TOX3: variants seen among roughly 807,000 people sequenced by gnomAD.
The protein encoded by TOX3 is CAG trinucleotide repeat-containing gene F9 protein.
A neutral mutation model predicts 64.3 loss-of-function variants in TOX3; 22 were observed. The ratio of observed to expected loss-of-function variants is 0.34; its 90% CI spans 0.24 to 0.49. TOX3 has a LOEUF of 0.49. Ranked by LOEUF, TOX3 falls within the 20% of genes least tolerant of loss-of-function variation. The pLI is 0.99. For synonymous variants in TOX3, 291 were observed against 273.6 expected, an observed-to-expected ratio of 1.06 and a Z score of -0.63; for missense variants, 661 against 714.4, an observed-to-expected ratio of 0.93 and a Z score of 0.85.
intron 1 of TOX3, among the ~76,000 whole-genome samples, chr16:52,539,206 C>A (rs1166184103): frequency 1.3e-5 from 2 of 152,198 alleles, no homozygotes; most frequent in Non-Finnish European, 2.9e-5. Flanking sequence ...TTGCATCATT[C>A]CCCCTTAATA....
chr16:52,446,986 A>G (rs1960182114), intron 4 of TOX3, among the ~76,000 whole-genome samples: 1 of 152,180 alleles, frequency 6.6e-6, no homozygotes, highest in Non-Finnish European at 1.5e-5. Context: ...TATTTATGGC[A>G]AGTAACCCTG....
chr16:52,521,349 C>T (rs1381739896), intron 1 of TOX3, among the ~76,000 whole-genome samples: 3 of 152,184 alleles, frequency 2.0e-5, no homozygotes, highest in African/African-American at 7.2e-5. Flanking sequence ...TTCCATCTAT[C>T]CTATGCCAAC....
intron 1 of TOX3, chr16:52,475,647 GAAGA>G (rs908117698): frequency 6.6e-6 from 1 of 152,200 alleles, no homozygotes; most frequent in African/African-American, 2.4e-5. Flanking sequence ...AATGCTGAGA[GAAGA>G]GAGAACCAAC....
rs533392329 is a variant in TOX3, at chr16:52,531,248, C to T, written c.87+15389G>A. 3.8e-4 allele frequency among the ~76,000 whole-genome samples: 58 copies of T among 152,132 alleles called. No homozygotes were observed. In the Middle Eastern group the frequency reaches 0.01, roughly 27 times the overall value. ...CTATTTTAAAAACAACGAATATATC[C>T]AGGAAAGGTGCAAAAATATAAAGGC... On this transcript the variant is annotated intron_variant, in intron 1 of 6. Coordinates refer to ENST00000219746, the MANE Select transcript of TOX3 (RefSeq NM_001080430.4).
chr16:52,534,366 A>C (rs1962907859), intron 1 of TOX3, among the ~76,000 whole-genome samples: 1 of 152,180 alleles, frequency 6.6e-6, no homozygotes, highest in Non-Finnish European at 1.5e-5. Flanking sequence ...GGCTAGGTGC[A>C]GTGGCTCATG....
intron 1 of TOX3, among the ~76,000 whole-genome samples, chr16:52,479,026 AGACCCAG>A (rs1324117421): frequency 1.3e-5 from 2 of 152,230 alleles, no homozygotes; most frequent in Non-Finnish European, 2.9e-5. Flanking sequence ...AATGTGAATA[AGACCCAG>A]TTTCTACCCA....
intron 1 of TOX3, among the ~76,000 whole-genome samples, chr16:52,494,378 C>G (rs1961781906): frequency 6.6e-6 from 1 of 152,210 alleles, no homozygotes; most frequent in African/African-American, 2.4e-5. Context: ...GGCAAGGCCT[C>G]CACCGGCCTG....
rs1430729304 is a variant in TOX3 at position 52,439,392 on chromosome 16, T to A, written c.1564A>T (p.Met522Leu). Residue 522 changes from methionine to leucine, a missense_variant, in exon 7 of 7, where the codon ATG (methionine) becomes TTG (leucine). Coordinates refer to ENST00000219746, the MANE Select transcript of TOX3 (RefSeq NM_001080430.4). ...QRLQLQQLQH[M>L]QHQSQPSPRQ... ...GGAGAAGGCTGAGACTGGTGCTGCA[T>A]GTGTTGCAGCTGCTGCAGCTGGAGG... 3 of 1,594,738 alleles carry A rather than the reference T, an allele frequency of 1.9e-6. No homozygotes were observed. In the African/African-American group the frequency reaches 4.0e-5, roughly 21 times the overall value.
At chr16:52,474,431 G>A (rs189842282) in intron 1 of TOX3, among the ~76,000 whole-genome samples, 315 of 152,012 alleles carry the variant, frequency 2.1e-3, no homozygotes, top group South Asian at 4.8e-3. Flanking sequence ...AGTTTAGCCT[G>A]GGCAACATAG....
At chr16:52,485,492 TG>T (rs1255981922) in intron 1 of TOX3, among the ~76,000 whole-genome samples, 1 of 151,818 alleles carries the variant, frequency 6.6e-6, no homozygotes, top group Non-Finnish European at 1.5e-5. Context: ...AAAAGGACGT[TG>T]GGGGGTGATG....
chr16:52,469,228 T>G lies in TOX3; in HGVS notation c.88-654A>C, dbSNP rs150593247. 9.0e-3 allele frequency among the ~76,000 whole-genome samples: 1,375 copies of G among 152,306 alleles called. 22 individuals are homozygous for G. The highest frequency in any genetic ancestry group is 0.031 in the African/African-American group (1,307 of 41,558). ...AAATAAGCGGGATCTCATGAACACA[T>G]CAATTTTTATTTCATTCGCTAACAC... On this transcript the variant is annotated intron_variant, in intron 1 of 6. Coordinates refer to ENST00000219746, the MANE Select transcript of TOX3 (RefSeq NM_001080430.4).
rs1005515460 is a variant in TOX3 at position 52,547,037 on chromosome 16, G to A, written c.-314C>T. The A allele has an allele frequency of 1.0e-5, 8 of 778,474 alleles. No individual in the cohort carries two copies. The African/African-American group carries it at 1.3e-4, about 13-fold the overall frequency. The allele number at this position is 778,474 out of a possible 1,614,324, so 48.2% of individuals were successfully genotyped here. A position where few individuals can be genotyped will look rare whatever the true frequency, so the allele number is the denominator to read the frequency against. On this transcript the variant is annotated 5_prime_UTR_variant, in exon 1 of 7. Transcript: ENST00000219746. ...GCGGCGCTGGGGCCCGGGTCGGCGA[G>A]GCGAGTTCAGGTGCGCTGGGCGAGG...
At chr16:52,452,805 T>C (rs1410816494) in intron 3 of TOX3, among the ~76,000 whole-genome samples, 4 of 152,234 alleles carry the variant, frequency 2.6e-5, no homozygotes, top group East Asian at 1.9e-4. Context: ...ATTAAATACA[T>C]ACATTTCCCA....
chr16:52,450,824 G>A (rs866998808), intron 3 of TOX3, among the ~76,000 whole-genome samples: 4 of 62,638 alleles, frequency 6.4e-5, no homozygotes, highest in African/African-American at 1.5e-4. Context: ...AAGGAAGGAA[G>A]GAAGGAAGGA....
rs150173579 is a variant in TOX3, at chr16:52,472,124, A to AT, written c.88-3551dup. On this transcript the variant is annotated intron_variant, in intron 1 of 6. Transcript: ENST00000219746. ...GTTGGGAAAGGCTGACTTCCCTTTG[A>AT]TGAGTCACGATGCTCGCTATAAAGT... is the stretch of plus-strand genomic sequence containing the variant. Among the ~76,000 whole-genome samples the AT allele has an allele frequency of 6.1e-4, 93 of 152,302 alleles. 3 individuals carry two copies. In the East Asian group the frequency reaches 0.016, roughly 27 times the overall value.
chr16:52,446,775 A>G (rs146537217), intron 4 of TOX3, among the ~76,000 whole-genome samples: 1 of 152,238 alleles, frequency 6.6e-6, no homozygotes, highest in African/African-American at 2.4e-5. Flanking sequence ...CAATTTCTAT[A>G]CTTGCAGCAT....
At chr16:52,491,627 C>T (rs113891876) in intron 1 of TOX3, among the ~76,000 whole-genome samples, 1 of 152,240 alleles carries the variant, frequency 6.6e-6, no homozygotes, top group Non-Finnish European at 1.5e-5. Flanking sequence ...TCTGCTTGTC[C>T]TACCCATGGA....
At position 52,446,095 on chromosome 16, in the gene TOX3, T is replaced by A; in HGVS notation, c.805A>T (p.Thr269Ser). ...TTTTGACCTTTAATTGCAGCCTGTG[T>A]GTCTCTGAAAAACAGGGCATATGCT... ...VSAYALFFRD[T>S]QAAIKGQNPN... The change falls in exon 5 of 7, where the codon ACA becomes TCA. Residue 269 changes from threonine to serine, a missense_variant. Physicochemically the swap from Thr to Ser is moderately conservative, Grantham distance 58. Transcript: ENST00000219746. The A allele has an allele frequency of 2.5e-6, 4 of 1,614,000 alleles. No individual in the cohort carries two copies. Among genetic ancestry groups the A allele is most frequent in the Non-Finnish European group, 3.4e-6 (4 of 1,179,854 alleles).
chr16:52,512,906 C>A (rs1427120775), intron 1 of TOX3, among the ~76,000 whole-genome samples: 3 of 152,204 alleles, frequency 2.0e-5, no homozygotes, highest in African/African-American at 7.2e-5. Context: ...AAGGAAAGAG[C>A]TAGAGAACAC....
Sources: allele counts gnomAD v4.1 joint callset (sites outside exome capture counted in the v4.1 genomes callset), GRCh38; gene constraint gnomAD v4.1.1; transcripts MANE v1.5; gene names NCBI Gene and HGNC (gene_info 2026-07-23, HGNC 2026-07-21).